Variants in DAB2IP observed in about 807,000 individuals in gnomAD.
The protein encoded by DAB2IP is disabled homolog 2-interacting protein.
Under a neutral mutation model 107.2 loss-of-function variants are expected in DAB2IP, and 28 were observed. That is an observed-to-expected ratio of 0.26 (90% CI 0.19 to 0.36). The LOEUF is 0.36. Ranked by LOEUF, DAB2IP falls within the 10% of genes least tolerant of loss-of-function variation. DAB2IP has a pLI of 1.00. For synonymous variants in DAB2IP, 755 were observed against 706.4 expected, an observed-to-expected ratio of 1.07 and a Z score of -1.09; for missense variants, 1,400 against 1,644.7, an observed-to-expected ratio of 0.85 and a Z score of 2.57.
At chr9:121,783,359 A>G in exon 16 of DAB2IP, 1 of 1,487,190 alleles carries the variant, frequency 6.7e-7, no homozygotes, top group Non-Finnish European at 8.9e-7. Context: ...TGAGCACTGT[A>G]TCTGCCTTCT....
chr9:121,665,401 G>A (rs1833375920), intron 1 of DAB2IP, among the ~76,000 whole-genome samples: 1 of 152,050 alleles, frequency 6.6e-6, no homozygotes, highest in African/African-American at 2.4e-5. Flanking sequence ...TGGAAATTTG[G>A]GGGGAAAATA....
intron 1 of DAB2IP, among the ~76,000 whole-genome samples, chr9:121,584,085 G>C (rs1830263896): frequency 6.6e-6 from 1 of 152,156 alleles, no homozygotes; most frequent in African/African-American, 2.4e-5. Flanking sequence ...GCTGAGACAG[G>C]AGAATCACTT....
At position 121,772,691 on chromosome 9, in the gene DAB2IP, C is replaced by A; in HGVS notation, c.2163C>A (p.Pro721=). 2 of 1,614,066 alleles carry A rather than the reference C, an allele frequency of 1.2e-6. No homozygotes were observed. The highest frequency in any genetic ancestry group is 1.7e-6 in the Non-Finnish European group (2 of 1,180,016). ...TCACAAGGTCCTCCGGGGTCCAGCC[C>A]TCACCTGCCCGCAGCTCGAGTTACT... The change falls in exon 12 of 16, where the codon CCC becomes CCA. Residue 721 remains proline, a synonymous_variant. Coordinates refer to ENST00000408936, the Ensembl canonical transcript of DAB2IP. This position sits in a 1 kb window ranked among gnomAD's most constrained non-coding sequence, Gnocchi z 4.7.
At chr9:121,649,222 G>GATCAGAGGGTTCCTGCTTTGGGAA (rs1357534861), upstream of DAB2IP, among the ~76,000 whole-genome samples, 5 of 145,032 alleles carry the variant, frequency 3.4e-5, no homozygotes, top group Admixed American at 6.8e-5. Context: ...TTCACTAGCT[G>GATCAGAGGGTTCCTGCTTTGGGAA]ACCCTCCTTC....
chr9:121,578,633 A>T (rs527714373), intron 1 of DAB2IP, among the ~76,000 whole-genome samples: 11 of 123,138 alleles, frequency 8.9e-5, no homozygotes, highest in Admixed American at 4.4e-4. Flanking sequence ...CCCCCCATCG[A>T]CCTCCCTTGC....
chr9:121,572,866 G>A (rs1014312194), intron 1 of DAB2IP, among the ~76,000 whole-genome samples: 1 of 152,118 alleles, frequency 6.6e-6, no homozygotes, highest in African/African-American at 2.4e-5. Context: ...GGTGGAGCAG[G>A]CAGCTCAAAA....
rs755789963 is a variant in DAB2IP, at chr9:121,609,187, C to T, written c.40+41959C>T. Among the ~76,000 whole-genome samples, 13 of 152,290 alleles carry T rather than the reference C, an allele frequency of 8.5e-5. 1 individual carries two copies. Among genetic ancestry groups the T allele is most frequent in the South Asian group, 4.1e-4 (2 of 4,822 alleles). On this transcript the variant is annotated intron_variant, in intron 1 of 16. Transcript: ENST00000259371. ...CTTGAACTCCCGACCTCAGGTGCTC[C>T]GTCCGCCTCGAACTCCCAAAGTGCT... is the stretch of plus-strand genomic sequence containing the variant.
intron 3 of DAB2IP, among the ~76,000 whole-genome samples, chr9:121,714,440 C>T (rs527683547): frequency 1.3e-5 from 2 of 152,300 alleles, no homozygotes; most frequent in South Asian, 4.1e-4. Context: ...AGGCCGAGTC[C>T]TGAGCAGCAG....
chr9:121,760,758 G>T lies in DAB2IP; in HGVS notation c.1170+319G>T, dbSNP rs1231208252. Among the ~76,000 whole-genome samples the T allele has an allele frequency of 6.6e-6, 1 of 152,128 alleles. No homozygotes were observed. Among genetic ancestry groups the T allele is most frequent in the Non-Finnish European group, 1.5e-5 (1 of 68,022 alleles). On this transcript the variant is annotated intron_variant, in intron 6 of 15. Coordinates refer to ENST00000408936, the Ensembl canonical transcript of DAB2IP. This position sits in a 1 kb window ranked among gnomAD's most constrained non-coding sequence, Gnocchi z 5.9. Reference sequence around the variant, plus strand: ...CCCTGAGGCGCCAGGGGAACAGGCTGGGTGGCCACGGCTCTCCCAGCACAC... The same window carrying T: ...CCCTGAGGCGCCAGGGGAACAGGCTTGGTGGCCACGGCTCTCCCAGCACAC...
At chr9:121,714,088 CAT>C (rs956489570) in intron 3 of DAB2IP, among the ~76,000 whole-genome samples, 1 of 152,202 alleles carries the variant, frequency 6.6e-6, no homozygotes, top group Non-Finnish European at 1.5e-5. Flanking sequence ...TCATCACACA[CAT>C]GTACTCACAT....
intron 3 of DAB2IP, among the ~76,000 whole-genome samples, chr9:121,741,804 G>A (rs959700048): frequency 4.0e-5 from 6 of 150,244 alleles, no homozygotes; most frequent in Non-Finnish European, 5.9e-5. Context: ...CTTTTGTTAC[G>A]CGCTCACTCT....
At chr9:121,731,476 C>A (rs1831537156) in intron 3 of DAB2IP, among the ~76,000 whole-genome samples, 1 of 152,238 alleles carries the variant, frequency 6.6e-6, no homozygotes, top group African/African-American at 2.4e-5. Context: ...TAGGGAGTAT[C>A]TAAGGAGGCG....
intron 1 of DAB2IP, among the ~76,000 whole-genome samples, chr9:121,584,920 G>A (rs977870447): frequency 1.3e-5 from 2 of 152,146 alleles, no homozygotes; most frequent in Non-Finnish European, 2.9e-5. Flanking sequence ...TAGAGGTGGG[G>A]TCTTTCTGCA....
chr9:121,567,571 C>T (rs1829836733), intron 1 of DAB2IP, among the ~76,000 whole-genome samples: 3 of 152,312 alleles, frequency 2.0e-5, no homozygotes, highest in Admixed American at 6.5e-5. Flanking sequence ...GCCAGGCCTG[C>T]CCTGTGCTGT....
At position 121,738,659 on chromosome 9, in the gene DAB2IP, A is replaced by G. The variant is rs931806061; in HGVS notation, c.363-18354A>G. ...TGACCCCAGAAGGCTGGGCTGTCAC[A>G]GAAGCTTTCCTTCCCACCTGAGGTC... On this transcript the variant is annotated intron_variant, in intron 3 of 15. Coordinates refer to ENST00000408936, the Ensembl canonical transcript of DAB2IP. 5.9e-5 allele frequency among the ~76,000 whole-genome samples: 9 copies of G among 152,358 alleles called. No homozygotes were observed. In the East Asian group the frequency reaches 1.7e-3, roughly 29 times the overall value.
chr9:121,713,039 C>T (rs999243289), intron 3 of DAB2IP, among the ~76,000 whole-genome samples: 1 of 152,222 alleles, frequency 6.6e-6, no homozygotes, highest in South Asian at 2.1e-4. Context: ...AAACTTCCCC[C>T]TTTGTGGAGC....
At chr9:121,723,063 A>T (rs1831030160) in intron 3 of DAB2IP, among the ~76,000 whole-genome samples, 1 of 152,194 alleles carries the variant, frequency 6.6e-6, no homozygotes, top group Admixed American at 6.5e-5. Context: ...AGAAGGACTG[A>T]GGGAGCCTAG....
upstream of DAB2IP, among the ~76,000 whole-genome samples, chr9:121,649,297 GAGA>G (rs1041454212): frequency 2.1e-5 from 3 of 144,620 alleles, no homozygotes; most frequent in African/African-American, 7.3e-5. Flanking sequence ...CTAAGGCACA[GAGA>G]AGGACTTGAA....
intron 3 of DAB2IP, among the ~76,000 whole-genome samples, chr9:121,713,851 A>G (rs1226367934): frequency 1.3e-5 from 2 of 152,286 alleles, no homozygotes; most frequent in Admixed American, 1.3e-4. Context: ...TCTGGTCCCA[A>G]AGCAAGCCAC....
Sources: allele counts gnomAD v4.1 joint callset (sites outside exome capture counted in the v4.1 genomes callset), GRCh38; gene constraint gnomAD v4.1.1; non-coding constraint Gnocchi (gnomAD v3.1); transcripts MANE v1.5; gene names NCBI Gene and HGNC (gene_info 2026-07-23, HGNC 2026-07-21).